The following TTC23L variants were observed in gnomAD, a reference collection of about 807,000 sequenced individuals.
TTC23L encodes the protein tetratricopeptide repeat protein 23-like.
Under a neutral mutation model 48.1 loss-of-function variants are expected in TTC23L, and 42 were observed. That is an observed-to-expected ratio of 0.87 (90% confidence interval 0.68 to 1.13). The LOEUF is 1.13. Ranked by LOEUF, TTC23L falls within the 50% of genes most tolerant of loss-of-function variation. TTC23L has a pLI of 0.00. For missense variants in TTC23L, 391 were observed against 421.0 expected (o/e 0.93, Z 0.62); for synonymous variants, 159 against 157.2 (o/e 1.01, Z -0.09).
the TTC23L span, chr5:34,922,643 A>G: frequency 6.3e-7 from 1 of 1,594,166 alleles, no homozygotes; most frequent in Non-Finnish European, 8.6e-7. Context: ...AATCTTTTGA[A>G]ATAGTTGTGC....
At chr5:34,906,895 T>C in the TTC23L span, 1 of 152,230 alleles carries the variant, frequency 6.6e-6, no homozygotes, top group Non-Finnish European at 1.5e-5. Flanking sequence ...AAGTATCTTT[T>C]AGGTTTGTTC....
intron 9 of TTC23L, among the ~76,000 whole-genome samples, chr5:34,893,830 T>C (rs1012267980): frequency 6.6e-6 from 1 of 152,086 alleles, no homozygotes; most frequent in African/African-American, 2.4e-5. Flanking sequence ...AAAGTTTCAA[T>C]GAAAGAGAGG....
intron 8 of TTC23L, chr5:34,869,828 CA>C (rs1761324446): frequency 6.6e-6 from 1 of 152,066 alleles, no homozygotes; most frequent in Admixed American, 6.5e-5. Flanking sequence ...ATTAAATAAA[CA>C]TTTTTTTTCA....
At chr5:34,925,088 G>A in the TTC23L span, 6 of 1,464,686 alleles carry the variant, frequency 4.1e-6, no homozygotes, top group Non-Finnish European at 5.5e-6. Context: ...GGTTTTTGCT[G>A]CATAGAAACT....
chr5:34,912,689 A>T, the TTC23L span, among the ~76,000 whole-genome samples: 16 of 152,148 alleles, frequency 1.1e-4, no homozygotes, highest in African/African-American at 3.6e-4. Context: ...CAAATAAAAA[A>T]ATATATATTT....
At chr5:34,854,235 C>CT (rs1405504054) in intron 4 of TTC23L, among the ~76,000 whole-genome samples, 1 of 152,116 alleles carries the variant, frequency 6.6e-6, no homozygotes, top group African/African-American at 2.4e-5. Context: ...GTACGAGAGA[C>CT]TTTTTTGTTT....
At chr5:34,864,333 T>A in intron 5 of TTC23L, 104 bp from the exon 6 acceptor site, 2 of 1,383,506 alleles carry the variant, frequency 1.4e-6, no homozygotes, top group Non-Finnish European at 2.0e-6. Context: ...CCATTTTTAA[T>A]ATTGCTTCAC....
chr5:34,857,364 A>G (rs1760214947), intron 4 of TTC23L, among the ~76,000 whole-genome samples: 2 of 152,214 alleles, frequency 1.3e-5, no homozygotes, highest in Non-Finnish European at 2.9e-5. Context: ...TCTTCCAGGT[A>G]CTGGGGCTCT....
At chr5:34,888,169 A>T (rs1052581522) in intron 9 of TTC23L, among the ~76,000 whole-genome samples, 3 of 152,096 alleles carry the variant, frequency 2.0e-5, no homozygotes, top group African/African-American at 7.2e-5. Flanking sequence ...ATGGCTGTCA[A>T]TGAATCAGGA....
At chr5:34,895,157 C>G (rs766392542) in intron 9 of TTC23L, among the ~76,000 whole-genome samples, 191 of 152,222 alleles carry the variant, frequency 1.3e-3, no homozygotes, top group Non-Finnish European at 5.6e-4. Context: ...CTGGACAGTT[C>G]TGATTGTTAG....
chr5:34,890,079 C>T (rs1561157305), intron 9 of TTC23L, among the ~76,000 whole-genome samples: 1 of 151,936 alleles, frequency 6.6e-6, no homozygotes, highest in Non-Finnish European at 1.5e-5. Context: ...CCTCGTGATC[C>T]ACCCGCCTCA....
At chr5:34,845,286 G>A (rs1044983064) in intron 2 of TTC23L, among the ~76,000 whole-genome samples, 7 of 152,122 alleles carry the variant, frequency 4.6e-5, no homozygotes, top group African/African-American at 7.2e-5. Flanking sequence ...TCTATAAATC[G>A]GCTTCTTCTG....
chr5:34,910,988 C>G, the TTC23L span, among the ~76,000 whole-genome samples: 1 of 152,190 alleles, frequency 6.6e-6, no homozygotes, highest in Non-Finnish European at 1.5e-5. Flanking sequence ...CTCCCTAAAT[C>G]CTTATACAGC....
the TTC23L span, among the ~76,000 whole-genome samples, chr5:34,924,459 T>C: frequency 1.2e-4 from 18 of 152,346 alleles, no homozygotes; most frequent in Non-Finnish European, 2.2e-4. Context: ...GAATTAGATT[T>C]ATAAAAACAA....
intron 8 of TTC23L, among the ~76,000 whole-genome samples, chr5:34,875,413 G>A (rs112091780): frequency 6.6e-6 from 1 of 152,248 alleles, no homozygotes; most frequent in African/African-American, 2.4e-5. Context: ...GAGCAAGGAA[G>A]CCAGTCCAAG....
intron 3 of TTC23L, among the ~76,000 whole-genome samples, chr5:34,846,600 TACACAC>T (rs1156477205): frequency 1.1e-5 from 1 of 92,902 alleles, no homozygotes; most frequent in Non-Finnish European, 1.9e-5. Context: ...TATATATATA[TACACAC>T]ACATATATAT....
intron 4 of TTC23L, among the ~76,000 whole-genome samples, chr5:34,862,310 G>GA (rs927130394): frequency 1.1e-4 from 16 of 149,348 alleles, no homozygotes; most frequent in South Asian, 6.4e-4. Flanking sequence ...ATCTTAGATT[G>GA]AAAAAAAAAA....
chr5:34,887,597 G>T (rs943747824), intron 9 of TTC23L, among the ~76,000 whole-genome samples: 14 of 152,148 alleles, frequency 9.2e-5, no homozygotes, highest in Admixed American at 7.2e-4. Flanking sequence ...TAAGAATTGT[G>T]TACAGAATCT....
intron 8 of TTC23L, among the ~76,000 whole-genome samples, chr5:34,876,545 C>A (rs972402429): frequency 2.0e-5 from 3 of 150,138 alleles, no homozygotes; most frequent in African/African-American, 7.6e-5. Flanking sequence ...TACAATCTGC[C>A]AAAACTCACA....
Sources: allele counts gnomAD v4.1 joint callset (sites outside exome capture counted in the v4.1 genomes callset), GRCh38; gene constraint gnomAD v4.1.1; transcripts MANE v1.5; gene names NCBI Gene and HGNC (gene_info 2026-07-23, HGNC 2026-07-21).